Variants in NEK9 observed in about 807,000 individuals in gnomAD.
NEK9 encodes NIMA related kinase 9.
A neutral mutation model predicts 123.4 loss-of-function variants in NEK9; 75 were observed. The observed-to-expected ratio is 0.61, with a 90% CI of 0.50 to 0.74. The LOEUF is 0.74. NEK9 is among the 30% of genes least tolerant of loss of function. The pLI, the probability that NEK9 is intolerant of heterozygous loss-of-function variation, is 0.00. For synonymous variants in NEK9, 438 were observed against 458.7 expected, an observed-to-expected ratio of 0.95 and a Z score of 0.58; for missense variants, 952 against 1,214.4, an observed-to-expected ratio of 0.78 and a Z score of 3.21.
rs1893893852 is a variant in NEK9, at chr14:75,082,471, A to C, written c.*2093T>G. The C allele has an allele frequency of 6.6e-6, 1 of 152,468 alleles. No homozygotes were observed. The highest frequency in any genetic ancestry group is 6.5e-5 in the Admixed American group (1 of 15,288). The allele number at this position is 152,468 out of a possible 1,614,324, so 9.4% of individuals were successfully genotyped here. On this transcript the variant is annotated 3_prime_UTR_variant, in exon 22 of 22. Coordinates refer to ENST00000238616, the MANE Select transcript of NEK9 (RefSeq NM_033116.6). The stretch of plus-strand genomic sequence containing the variant: ...GGCTGTCCCAGGCACAATATGGGAA[A>C]GTGCAAACTGTCTCTAAGGCACAGA...
chr14:75,107,210 A>C (rs1463811417), intron 11 of NEK9, 133 bp downstream of exon 11: 9 of 854,764 alleles, frequency 1.1e-5, no homozygotes, highest in Admixed American at 9.1e-5. Context: ...ATTATTAATG[A>C]GTATATTTGC....
At chr14:75,100,128 CAAAAAAAAAAAAAAAAAAAA>C (rs71119346) in intron 16 of NEK9, among the ~76,000 whole-genome samples, 5 of 15,628 alleles carry the variant, frequency 3.2e-4, no homozygotes, top group Admixed American at 1.2e-3. Context: ...GACTCCATCT[CAAAAAAAAAAAAAAAAAAAA>C]AAAAAAAAAA....
chr14:75,094,868 G>T (rs1393094611), intron 18 of NEK9, among the ~76,000 whole-genome samples: 2 of 152,114 alleles, frequency 1.3e-5, no homozygotes, highest in Non-Finnish European at 2.9e-5. Flanking sequence ...AACCAAAAAG[G>T]AAAATAGATT....
rs146454587 is a variant in NEK9, at chr14:75,125,043, G to A, written c.220-820C>T. Among the ~76,000 whole-genome samples, 14 of 151,766 alleles carry A rather than the reference G, an allele frequency of 9.2e-5. No homozygotes were observed. The East Asian group carries it at 2.7e-3, about 29-fold the overall frequency. On this transcript the variant is annotated intron_variant, in intron 1 of 21. Transcript: ENST00000238616. ...GACCACCTTGGCCTCCCAGGTGTTG[G>A]GATTATAGGCATGAGCCACTGTGCC...
intron 12 of NEK9, 43 bp from the exon 13 acceptor site, chr14:75,106,039 C>G: frequency 6.5e-7 from 1 of 1,538,454 alleles, no homozygotes; most frequent in Non-Finnish European, 9.0e-7. Flanking sequence ...ATGAGGGCTT[C>G]CTTCCCAGTG....
rs1893934825 is a variant in NEK9, at chr14:75,083,793, A to T, written c.*771T>A. ...TGGACTCAATTCTCTGAGACACCTC[A>T]TCCCTCAGAGACACCTCATCCCCTC... On this transcript the variant is annotated 3_prime_UTR_variant, in exon 22 of 22. Coordinates refer to ENST00000238616, the MANE Select transcript of NEK9 (RefSeq NM_033116.6). 6.6e-6 allele frequency: 1 copy of T among 152,048 alleles called. No individual in the cohort carries two copies. Among genetic ancestry groups the T allele is most frequent in the South Asian group, 2.1e-4 (1 of 4,820 alleles). 9.4% of individuals were successfully genotyped at this position (152,048 alleles called of 1,614,324 possible). A position where few individuals can be genotyped will look rare whatever the true frequency, so the allele number is the denominator to read the frequency against.
At chr14:75,085,561 T>C (rs1457813121) in intron 21 of NEK9, among the ~76,000 whole-genome samples, 2 of 152,206 alleles carry the variant, frequency 1.3e-5, no homozygotes, top group Non-Finnish European at 2.9e-5. Context: ...AAATGTTTAA[T>C]GTGAATCTAA....
rs10146482 is a variant in NEK9, at chr14:75,107,384, C to A, written c.1286G>T (p.Arg429Leu). ...HVEKLQGKAI[R>L]QVSCGDDFTV... Reference sequence around the variant, plus strand: ...GAAATCATCACCACATGACACCTGACGGATAGCTTTGCCTTGCAACTTTTC... The same window carrying A: ...GAAATCATCACCACATGACACCTGAAGGATAGCTTTGCCTTGCAACTTTTC... Residue 429 changes from arginine (R) to leucine (L), a missense_variant, in exon 11 of 22, where the codon CGT (arginine) becomes CTT (leucine). Transcript: ENST00000238616. 1 of 1,613,572 alleles carries A rather than the reference C, an allele frequency of 6.2e-7. No homozygotes were observed. Among genetic ancestry groups the A allele is most frequent in the Non-Finnish European group, 8.5e-7 (1 of 1,179,858 alleles).
Position 75,084,622 on chromosome 14 carries a change from T to A in NEK9, c.2882A>T (p.Asp961Val). Residue 961 changes from aspartate (D) to valine (V), a missense_variant, in exon 22 of 22, where the codon GAC becomes GTC. Transcript: ENST00000238616. ...KEEMEMDPKP[D>V]LDSDSWCLLG... ...GAGGCACCAGGAATCTGAATCTAAG[T>A]CAGGCTTTGGATCCATTTCCATCTC... 6.2e-7 allele frequency: 1 copy of A among 1,614,194 alleles called. No homozygotes were observed. Among genetic ancestry groups the A allele is most frequent in the East Asian group, 2.2e-5 (1 of 44,890 alleles).
rs1241331485 is a variant in NEK9, at chr14:75,083,997, C to T, written c.*567G>A. ...CATTTAGCTGCACAGAGTAACTGAA[C>T]TTTTTCGAAACAAGCCCTAGATTGA... On this transcript the variant is annotated 3_prime_UTR_variant, in exon 22 of 22. Transcript: ENST00000238616. The T allele has an allele frequency of 6.5e-6, 1 of 153,806 alleles. No homozygotes were observed. Among genetic ancestry groups the T allele is most frequent in the Non-Finnish European group, 1.4e-5 (1 of 69,144 alleles). 9.5% of individuals were successfully genotyped at this position (153,806 alleles called of 1,614,324 possible).
At chr14:75,106,452 G>C in intron 12 of NEK9, 50 bp downstream of exon 12, 1 of 1,540,236 alleles carries the variant, frequency 6.5e-7, no homozygotes, top group East Asian at 2.4e-5. Flanking sequence ...CAACTTTGAA[G>C]TCAGGTTGTA....
chr14:75,097,203 T>G lies in NEK9; in HGVS notation c.2070A>C (p.Pro690=). The change falls in exon 17 of 22, where the codon CCA becomes CCC. Residue 690 remains proline, a synonymous_variant. Transcript: ENST00000238616. The stretch of plus-strand genomic sequence containing the variant: ...ATGAGGTACAGATATCAGAGCCATG[T>G]GGTCTCTCTGTGGGGGTCATTGCCA... ...GRLAMTPTER[P]HGSDICTSWP... is the part of the protein sequence containing the mutation. 6.2e-7 allele frequency: 1 copy of G among 1,613,590 alleles called. No individual in the cohort carries two copies. Among genetic ancestry groups the G allele is most frequent in the South Asian group, 1.1e-5 (1 of 90,976 alleles).
intron 19 of NEK9, among the ~76,000 whole-genome samples, chr14:75,089,411 T>C (rs1894136008): frequency 1.3e-5 from 2 of 152,086 alleles, no homozygotes; most frequent in South Asian, 4.1e-4. Context: ...GTATTTTTAG[T>C]AGAGACAGAG....
intron 19 of NEK9, among the ~76,000 whole-genome samples, chr14:75,089,696 C>T (rs1329766476): frequency 6.6e-6 from 1 of 150,594 alleles, no homozygotes; most frequent in Non-Finnish European, 1.5e-5. Flanking sequence ...CCACCATGCC[C>T]AGCTAATTTT....
intron 20 of NEK9, among the ~76,000 whole-genome samples, chr14:75,088,213 A>T (rs1035064727): frequency 6.6e-6 from 1 of 152,174 alleles, no homozygotes; most frequent in African/African-American, 2.4e-5. Context: ...GAAAAACTGA[A>T]TTTGAATTTT....
At chr14:75,117,476 GC>G in intron 5 of NEK9, 150 bp from the exon 6 acceptor site, 1 of 769,028 alleles carries the variant, frequency 1.3e-6, no homozygotes, top group Non-Finnish European at 2.0e-6. Flanking sequence ...ATGAGACGAT[GC>G]CACTATGGAA....
rs1894901014 is a variant in NEK9 at position 75,109,796 on chromosome 14, G to A, written c.1071C>T (p.Ser357=). Reference sequence around the variant, plus strand: ...TGATAACATCCAGTTTCTGGGGGGTGGATTTTCCACCACCCCAAACATAGA... The same window carrying A: ...TGATAACATCCAGTTTCTGGGGGGTAGATTTTCCACCACCCCAAACATAGA... The part of the protein sequence containing the change: ...SEVYVWGGGK[S]TPQKLDVIKS... The change falls in exon 10 of 22, where the codon TCC becomes TCT. Residue 357 remains serine (S), a synonymous_variant. Coordinates refer to ENST00000238616, the MANE Select transcript of NEK9 (RefSeq NM_033116.6). The A allele has an allele frequency of 3.1e-6, 5 of 1,614,012 alleles. No homozygotes were observed. Among genetic ancestry groups the A allele is most frequent in the East Asian group, 2.2e-5 (1 of 44,882 alleles).
Position 75,084,679 on chromosome 14 carries a change from AT to A in NEK9, c.2824del (p.Met942CysfsTer21), listed in dbSNP as rs2139705504. 3 of 1,614,106 alleles carry A rather than the reference AT, an allele frequency of 1.9e-6. No homozygotes were observed. The East Asian group carries it at 6.7e-5, about 36-fold the overall frequency. On this transcript the variant is annotated frameshift_variant, in exon 22 of 22. Transcript: ENST00000238616. LOFTEE classifies it high-confidence loss of function. ...TGCTGTCTGAGTTCCTTTGGAATGCATCCCCACCTGTCCGGATAAAACACGG... is the reference window on the plus strand; with the variant it reads ...TGCTGTCTGAGTTCCTTTGGAATGCACCCCACCTGTCCGGATAAAACACGG... ...KKLEGGQQVG[M>X]HSKGTQTAKE...
intron 16 of NEK9, among the ~76,000 whole-genome samples, chr14:75,099,250 G>A (rs973798758): frequency 9.2e-5 from 14 of 151,744 alleles, no homozygotes; most frequent in African/African-American, 2.4e-4. Flanking sequence ...ACTTGAACCC[G>A]GGAGGTGGAG....
Sources: gnomAD v4.1 joint callset for allele counts (sites outside exome capture counted in the v4.1 genomes callset) on GRCh38, gnomAD v4.1.1 for gene constraint, MANE v1.5 for transcripts, NCBI Gene and HGNC (gene_info 2026-07-23, HGNC 2026-07-21) for gene names.